Variants in TRABD2B observed in about 807,000 individuals in gnomAD.
TRABD2B encodes the protein TraB domain containing 2B, also known as metalloprotease TIKI2.
A neutral mutation model predicts 40.1 loss-of-function variants in TRABD2B; 14 were observed. The observed-to-expected ratio is 0.35, with a 90% CI of 0.23 to 0.55. The LOEUF is 0.55. TRABD2B is among the 20% of genes least tolerant of loss of function. The probability of loss-of-function intolerance (pLI) is 0.90; values close to 1 mark genes in which losing one functional copy is unlikely to be tolerated. For synonymous variants in TRABD2B, 263 were observed against 277.0 expected (o/e 0.95, Z 0.50); for missense variants, 541 against 648.6 (o/e 0.83, Z 1.80).
intron 2 of TRABD2B, among the ~76,000 whole-genome samples, chr1:47,897,428 C>A (rs1399510818): frequency 5.9e-5 from 9 of 152,080 alleles, no homozygotes; most frequent in Non-Finnish European, 7.4e-5. Context: ...AGGAGGAGTT[C>A]ACCGAGCCAA....
chr1:47,956,514 G>A (rs1237967663), intron 2 of TRABD2B, among the ~76,000 whole-genome samples: 2 of 152,222 alleles, frequency 1.3e-5, no homozygotes, highest in Admixed American at 1.3e-4. Context: ...CCCTAAGACT[G>A]TGCTTTTCCA....
At chr1:47,816,684 C>G (rs1645036617) in intron 2 of TRABD2B, among the ~76,000 whole-genome samples, 1 of 152,158 alleles carries the variant, frequency 6.6e-6, no homozygotes, top group Admixed American at 6.5e-5. Flanking sequence ...TGAAGCTCTC[C>G]TACACCCTGG....
chr1:47,918,240 T>C (rs184359595), intron 2 of TRABD2B, among the ~76,000 whole-genome samples: 159 of 152,350 alleles, frequency 1.0e-3, no homozygotes, highest in Non-Finnish European at 2.4e-4. Context: ...GAATGCTTTA[T>C]GTGTCTGCAT....
chr1:47,797,511 A>G (rs1248889809), intron 3 of TRABD2B, among the ~76,000 whole-genome samples: 1 of 152,196 alleles, frequency 6.6e-6, no homozygotes, highest in Non-Finnish European at 1.5e-5. Flanking sequence ...TCCTGACCAC[A>G]AATGTGCATG....
intron 2 of TRABD2B, among the ~76,000 whole-genome samples, chr1:47,897,608 CTCAGATCCTGTAT>C (rs1644541718): frequency 1.3e-5 from 2 of 152,200 alleles, no homozygotes; most frequent in African/African-American, 4.8e-5. Flanking sequence ...GCCACCATAT[CTCAGATCCTGTAT>C]TCATCACCTT....
At chr1:47,790,575 G>A (rs952578262) in intron 4 of TRABD2B, among the ~76,000 whole-genome samples, 2 of 152,192 alleles carry the variant, frequency 1.3e-5, no homozygotes, top group Admixed American at 6.5e-5. Context: ...ACAGGCACTC[G>A]TTTCCACAAA....
intron 2 of TRABD2B, among the ~76,000 whole-genome samples, chr1:47,873,464 C>T (rs1333414158): frequency 6.6e-6 from 1 of 152,134 alleles, no homozygotes; most frequent in African/African-American, 2.4e-5. Context: ...TCCAAACATA[C>T]ACTCTTTACA....
At chr1:47,987,913 C>T (rs1369360072) in intron 2 of TRABD2B, among the ~76,000 whole-genome samples, 1 of 152,126 alleles carries the variant, frequency 6.6e-6, no homozygotes, top group Non-Finnish European at 1.5e-5. Context: ...ATAGGCGATG[C>T]CAGCCTGTGT....
At chr1:47,963,032 C>CCATT (rs774540723) in intron 2 of TRABD2B, among the ~76,000 whole-genome samples, 163 of 152,362 alleles carry the variant, frequency 1.1e-3, no homozygotes, top group Non-Finnish European at 1.8e-3. Flanking sequence ...ATCCATCCAT[C>CCATT]CATTCATTCA....
chr1:47,891,547 A>G (rs534108669), intron 2 of TRABD2B, among the ~76,000 whole-genome samples: 11 of 152,326 alleles, frequency 7.2e-5, no homozygotes, highest in African/African-American at 2.2e-4. Context: ...CTGTAACCCC[A>G]GCACTTTGGG....
At chr1:47,879,526 T>TG in intron 2 of TRABD2B, among the ~76,000 whole-genome samples, 1 of 152,338 alleles carries the variant, frequency 6.6e-6, no homozygotes, top group South Asian at 2.1e-4. Context: ...GTACACTCTA[T>TG]AATGTTGGTA....
At chr1:47,972,115 T>C (rs903881925) in intron 2 of TRABD2B, among the ~76,000 whole-genome samples, 3 of 152,350 alleles carry the variant, frequency 2.0e-5, no homozygotes, top group South Asian at 4.1e-4. Flanking sequence ...ATTATTGTTA[T>C]TATTAGCAGT....
At chr1:47,862,604 G>C (rs1317533557) in intron 2 of TRABD2B, among the ~76,000 whole-genome samples, 1 of 152,088 alleles carries the variant, frequency 6.6e-6, no homozygotes, top group African/African-American at 2.4e-5. Context: ...AATAAATGGA[G>C]AGATATTCCA....
In TRABD2B at chr1:47,907,505, G is replaced by C. The variant is rs192930357; in HGVS notation, c.666+86529C>G. On this transcript the variant is annotated intron_variant, in intron 2 of 6. Coordinates refer to ENST00000606738, the MANE Select transcript of TRABD2B (RefSeq NM_001194986.2). ...TCCACTTAATAGATGAGGAAACTGA[G>C]GCTCCAACATGAGTTAGGACTTGTG... Among the ~76,000 whole-genome samples, 268 of 152,286 alleles carry C rather than the reference G, an allele frequency of 1.8e-3. 1 individual carries two copies. Among genetic ancestry groups the C allele is most frequent in the Non-Finnish European group, 2.4e-3 (160 of 68,024 alleles).
At chr1:47,818,073 G>A (rs1295754420) in intron 2 of TRABD2B, 1 of 152,414 alleles carries the variant, frequency 6.6e-6, no homozygotes, top group African/African-American at 2.4e-5. Context: ...TGCGCATAAG[G>A]GGGCCTTTCA....
chr1:47,834,371 C>T (rs956650718), intron 2 of TRABD2B, among the ~76,000 whole-genome samples: 2 of 152,196 alleles, frequency 1.3e-5, no homozygotes, highest in South Asian at 2.1e-4. Flanking sequence ...GAAGCTCCAA[C>T]ATATTCCTGA....
intron 2 of TRABD2B, among the ~76,000 whole-genome samples, chr1:47,810,730 T>C (rs1025177707): frequency 6.6e-6 from 1 of 152,130 alleles, no homozygotes; most frequent in Non-Finnish European, 1.5e-5. Context: ...AGGGAGTAGC[T>C]GCAGGGGGAA....
intron 2 of TRABD2B, among the ~76,000 whole-genome samples, chr1:47,930,478 G>A (rs2148339693): frequency 6.6e-6 from 1 of 152,212 alleles, no homozygotes; most frequent in East Asian, 1.9e-4. Flanking sequence ...TGGGGAGAGA[G>A]GAGCTACGAG....
intron 2 of TRABD2B, among the ~76,000 whole-genome samples, chr1:47,960,489 C>G (rs1315258516): frequency 6.6e-6 from 1 of 152,176 alleles, no homozygotes; most frequent in Non-Finnish European, 1.5e-5. Flanking sequence ...CCAAAATCTC[C>G]TTAAGCTGAT....
Sources: gnomAD v4.1 joint callset for allele counts (sites outside exome capture counted in the v4.1 genomes callset) on GRCh38, gnomAD v4.1.1 for gene constraint, MANE v1.5 for transcripts, NCBI Gene and HGNC (gene_info 2026-07-23, HGNC 2026-07-21) for gene names.